The following DIS3 variants were observed in gnomAD, a reference collection of about 807,000 sequenced individuals.
DIS3 encodes the protein exosome complex exonuclease RRP44.
A neutral mutation model predicts 113.0 loss-of-function variants in DIS3; 103 were observed. The observed-to-expected ratio is 0.91, with a 90% CI of 0.78 to 1.07. The LOEUF is 1.07. Ranked by LOEUF, DIS3 falls within the 50% of genes least tolerant of loss-of-function variation. The pLI is 0.00. For missense variants in DIS3, 1,121 were observed against 1,167.1 expected, an observed-to-expected ratio of 0.96 and a Z score of 0.58; for synonymous variants, 402 against 394.3, an observed-to-expected ratio of 1.02 and a Z score of -0.23.
chr13:72,779,256 A>C (rs767754660), intron 2 of DIS3, among the ~76,000 whole-genome samples: 1 of 151,672 alleles, frequency 6.6e-6, no homozygotes, highest in Non-Finnish European at 1.5e-5. Flanking sequence ...AGTAGCTGGG[A>C]CTAGAGGCAT....
rs1593824737 is a variant in DIS3, at chr13:72,754,018, T to C, written c.*5777A>G. 3.8e-6 allele frequency: 2 copies of C among 520,128 alleles called. No individual in the cohort carries two copies. Among genetic ancestry groups the C allele is most frequent in the Non-Finnish European group, 6.6e-6 (2 of 302,800 alleles). The allele number at this position is 520,128 out of a possible 1,614,324, so 32.2% of individuals were successfully genotyped here. A position where few individuals can be genotyped will look rare whatever the true frequency, so the allele number is the denominator to read the frequency against. On this transcript the variant is annotated 3_prime_UTR_variant, in exon 21 of 21. Transcript: ENST00000377767. The stretch of plus-strand genomic sequence containing the variant: ...CACAAGTATCTTACATACTACAAAG[T>C]GTGCAAAGGTAGCGTGTATTTGATG...
rs2033399699 is a variant in DIS3, at chr13:72,754,769, G to A, written c.*5026C>T. On this transcript the variant is annotated 3_prime_UTR_variant, in exon 21 of 21. Coordinates refer to ENST00000377767, the MANE Select transcript of DIS3 (RefSeq NM_014953.5). ...CTCATTCTGTCACCCAGGCTAGAGT[G>A]TAGTGGCACGACCACAGCTCACTGT... The A allele has an allele frequency of 1.2e-5, 2 of 162,762 alleles. No individual in the cohort carries two copies. The highest frequency in any genetic ancestry group is 2.4e-5 in the African/African-American group (1 of 41,760). 10.1% of individuals were successfully genotyped at this position (162,762 alleles called of 1,614,324 possible). A position where few individuals can be genotyped will look rare whatever the true frequency, so the allele number is the denominator to read the frequency against.
chr13:72,780,325 C>CAAAAAAAAAAA (rs397851597), intron 2 of DIS3, among the ~76,000 whole-genome samples: 1 of 55,384 alleles, frequency 1.8e-5, no homozygotes, highest in African/African-American at 8.0e-5. Flanking sequence ...GACTCCATCT[C>CAAAAAAAAAAA]AAAAAAAAAA....
At chr13:72,778,468 A>C (rs1015641583) in intron 2 of DIS3, 88 bp from the exon 3 acceptor site, 1 of 1,075,272 alleles carries the variant, frequency 9.3e-7, no homozygotes, top group Non-Finnish European at 1.3e-6. Context: ...TTAACCACTA[A>C]ACTAGAAAAA....
rs534074786 is a variant in DIS3 at position 72,759,355 on chromosome 13, A to G, written c.*440T>C. 9.3e-6 allele frequency: 2 copies of G among 214,792 alleles called. No homozygotes were observed. The highest frequency in any genetic ancestry group is 7.0e-5 in the East Asian group (1 of 14,312). 13.3% of individuals were successfully genotyped at this position (214,792 alleles called of 1,614,324 possible). A position where few individuals can be genotyped will look rare whatever the true frequency, so the allele number is the denominator to read the frequency against. Reference sequence around the variant, plus strand: ...TGGCAAAGGAGATTACATCCTCAACACTGACAGCTTCCAAGACTTAGAAAA... The same window carrying G: ...TGGCAAAGGAGATTACATCCTCAACGCTGACAGCTTCCAAGACTTAGAAAA... On this transcript the variant is annotated 3_prime_UTR_variant, in exon 21 of 21. Transcript: ENST00000377767.
chr13:72,771,014 G>T, intron 12 of DIS3, 26 bp from the exon 13 acceptor site: 1 of 1,606,412 alleles, frequency 6.2e-7, no homozygotes, highest in Non-Finnish European at 8.5e-7. Context: ...CAGAGTATTT[G>T]TTAATGGGAA....
At chr13:72,775,157 A>T in intron 6 of DIS3, 54 bp downstream of exon 6, 5 of 1,489,530 alleles carry the variant, frequency 3.4e-6, no homozygotes, top group Non-Finnish European at 4.5e-6. Flanking sequence ...CAAAGCTGAC[A>T]TATTAATAAT....
chr13:72,781,409 C>T, intron 1 of DIS3, 196 bp downstream of exon 1: 1 of 1,523,872 alleles, frequency 6.6e-7, no homozygotes. Context: ...TGAACTACGA[C>T]TCCAAGAACT....
In DIS3 at chr13:72,780,987, TC is replaced by T. The variant is rs778329047; in HGVS notation, c.244del (p.Asp82ThrfsTer7). 6.2e-7 allele frequency: 1 copy of T among 1,603,964 alleles called. No homozygotes were observed. Among genetic ancestry groups the T allele is most frequent in the South Asian group, 1.1e-5 (1 of 88,602 alleles). The stretch of plus-strand genomic sequence containing the variant: ...CACAATTACATTCCTGATGGCAGGG[TC>T]CTCAAGAACATCAATCTTAAAGAAA... ...VLLHQIDVLEDPAIRNVIVLQ... is the reference protein window; with the variant it reads ...VLLHQIDVLEXPAIRNVIVLQ... On this transcript the variant is annotated frameshift_variant, in exon 2 of 21. Coordinates refer to ENST00000377767, the MANE Select transcript of DIS3 (RefSeq NM_014953.5). LOFTEE classifies it high-confidence loss of function.
Position 72,753,544 on chromosome 13 carries a change from T to C in DIS3, c.*6251A>G. On this transcript the variant is annotated 3_prime_UTR_variant, in exon 21 of 21. Transcript: ENST00000377767. ...CAGGACTACCTTTTATATTTGTGCA[T>C]TACTTTTGAATTTTGTTCAACATGA... The C allele has an allele frequency of 1.3e-6, 1 of 778,690 alleles. No homozygotes were observed. Among genetic ancestry groups the C allele is most frequent in the Non-Finnish European group, 2.0e-6 (1 of 498,164 alleles). The allele number at this position is 778,690 out of a possible 1,614,324, so 48.2% of individuals were successfully genotyped here. A position where few individuals can be genotyped will look rare whatever the true frequency, so the allele number is the denominator to read the frequency against.
At chr13:72,777,207 A>C (rs1358116904) in intron 4 of DIS3, among the ~76,000 whole-genome samples, 1 of 152,198 alleles carries the variant, frequency 6.6e-6, no homozygotes, top group African/African-American at 2.4e-5. Context: ...GGCCCTACTC[A>C]GGTTAATGGG....
intron 18 of DIS3, 25 bp from the exon 19 acceptor site, chr13:72,761,546 T>G: frequency 3.2e-6 from 5 of 1,542,144 alleles, no homozygotes; most frequent in Non-Finnish European, 4.4e-6. Context: ...ACAACTTATT[T>G]AAATTGTCTT....
intron 1 of DIS3, chr13:72,781,350 T>G: frequency 6.4e-7 from 1 of 1,551,230 alleles, no homozygotes; most frequent in Non-Finnish European, 8.7e-7. Context: ...CTCCAGGCAC[T>G]TACAATCTAA....
In DIS3 at chr13:72,774,469, T is replaced by G. The variant is rs185951937; in HGVS notation, c.988-410A>C. Among the ~76,000 whole-genome samples, 144 of 152,222 alleles carry G rather than the reference T, an allele frequency of 9.5e-4. No homozygotes were observed. In the Middle Eastern group the frequency reaches 0.02, roughly 22 times the overall value. On this transcript the variant is annotated intron_variant, in intron 6 of 20. Coordinates refer to ENST00000377767, the MANE Select transcript of DIS3 (RefSeq NM_014953.5). ...CTAGTTCCCTTTGGACCTTTATTTA[T>G]TAATTCTAAAGGTTCTTCCTTATAA...
intron 15 of DIS3, among the ~76,000 whole-genome samples, chr13:72,765,305 T>C (rs768361807): frequency 8.5e-5 from 13 of 152,114 alleles, no homozygotes; most frequent in Admixed American, 4.6e-4. Flanking sequence ...ATAATAGTAA[T>C]AACAGCAGAG....
At chr13:72,770,833 A>T (rs1346994019) in intron 13 of DIS3, 71 bp downstream of exon 13, 3 of 1,098,626 alleles carry the variant, frequency 2.7e-6, no homozygotes, top group Non-Finnish European at 2.5e-6. Context: ...ATCTTTAAAA[A>T]ATTTATTTAG....
intron 13 of DIS3, among the ~76,000 whole-genome samples, chr13:72,770,171 A>G (rs769946406): frequency 4.6e-5 from 7 of 152,202 alleles, no homozygotes; most frequent in Non-Finnish European, 7.3e-5. Context: ...TAGGGCATAA[A>G]ACCACTAGTT....
At position 72,753,081 on chromosome 13, in the gene DIS3, A is replaced by C. The variant is rs888386854; in HGVS notation, c.*6714T>G. ...TTAGGGTTGTTGAAAGGAGAAAAAA[A>C]TATTAAATATATAGAGATAGTGCCT... On this transcript the variant is annotated 3_prime_UTR_variant, in exon 21 of 21. Transcript: ENST00000377767. The C allele has an allele frequency of 6.6e-6, 1 of 152,252 alleles. No homozygotes were observed. The highest frequency in any genetic ancestry group is 1.5e-5 in the Non-Finnish European group (1 of 68,040). The allele number at this position is 152,252 out of a possible 1,614,324, so 9.4% of individuals were successfully genotyped here.
intron 6 of DIS3, among the ~76,000 whole-genome samples, chr13:72,774,470 T>C (rs1238175585): frequency 6.6e-6 from 1 of 152,096 alleles, no homozygotes; most frequent in Non-Finnish European, 1.5e-5. Context: ...CTTTATTTAT[T>C]AATTCTAAAG....
Sources: gnomAD v4.1 joint callset for allele counts (sites outside exome capture counted in the v4.1 genomes callset) on GRCh38, gnomAD v4.1.1 for gene constraint, MANE v1.5 for transcripts, NCBI Gene and HGNC (gene_info 2026-07-23, HGNC 2026-07-21) for gene names.